The following DNAH6 variants were observed in gnomAD, a reference collection of about 807,000 sequenced individuals.
The protein encoded by DNAH6 is dynein axonemal heavy chain 6, also known as axonemal beta dynein heavy chain 6.
DNAH6 carries 340 observed loss-of-function variants against 491.4 expected under a neutral mutation model. The ratio of observed to expected loss-of-function variants is 0.69; its 90% confidence interval spans 0.63 to 0.76. The LOEUF (loss-of-function observed/expected upper bound fraction) is 0.76. Among genes scored for constraint, DNAH6 ranks in the 30% least tolerant of loss-of-function variants. The pLI, the probability that DNAH6 is intolerant of heterozygous loss-of-function variation, is 0.00. For synonymous variants in DNAH6, 1,603 were observed against 1,686.1 expected, an observed-to-expected ratio of 0.95 and a Z score of 1.21; for missense variants, 4,443 against 4,972.2, an observed-to-expected ratio of 0.89 and a Z score of 3.20.
At chr2:84,758,142 A>G (rs1674225544) in intron 63 of DNAH6, among the ~76,000 whole-genome samples, 1 of 152,230 alleles carries the variant, frequency 6.6e-6, no homozygotes. Context: ...ATCACTATGT[A>G]ATATTAATGA....
At chr2:84,760,993 A>C (rs895241876) in intron 63 of DNAH6, among the ~76,000 whole-genome samples, 6 of 152,220 alleles carry the variant, frequency 3.9e-5, no homozygotes, top group African/African-American at 1.2e-4. Flanking sequence ...AAAGGAATCA[A>C]TATATCAAAA....
In DNAH6 at chr2:84,808,430, AG is replaced by A. The variant is rs1679647713; in HGVS notation, c.11630del (p.Gly3877ValfsTer15). 7.8e-6 allele frequency: 12 copies of A among 1,536,982 alleles called. No homozygotes were observed. The highest frequency in any genetic ancestry group is 1.1e-5 in the Non-Finnish European group (12 of 1,141,978). ...QTRVPEKLEM[E>X]GASESLFVKD... ...TATGTTTCAGAAAAACTGGAAATGG[AG>A]GGTGCTTCTGAGAGCCTTTTTGTCA... On this transcript the variant is annotated frameshift_variant, in exon 72 of 77. Transcript: ENST00000389394. LOFTEE classifies it high-confidence loss of function.
chr2:84,520,857 G>C (rs1363481385), intron 2 of DNAH6, among the ~76,000 whole-genome samples: 1 of 151,950 alleles, frequency 6.6e-6, no homozygotes, highest in Non-Finnish European at 1.5e-5. Context: ...ATTGTGAATA[G>C]TGCTGCAATG....
chr2:84,730,855 G>T (rs1476274284), intron 61 of DNAH6, among the ~76,000 whole-genome samples: 1 of 152,148 alleles, frequency 6.6e-6, no homozygotes, highest in Non-Finnish European at 1.5e-5. Flanking sequence ...AAACCACTCA[G>T]AATTGTTTAT....
rs1469234474 is a variant in DNAH6 at position 84,624,559 on chromosome 2, A to G, written c.4292A>G (p.Gln1431Arg). Reference sequence around the variant, plus strand: ...TGTGTGGCTAGAATGGCGCTCTCTCAGTACACTTATGGCTATGAATATTTG... The same window carrying G: ...TGTGTGGCTAGAATGGCGCTCTCTCGGTACACTTATGGCTATGAATATTTG... ...DNCVARMALSQYTYGYEYLGA... is the reference protein window; with the variant it reads ...DNCVARMALSRYTYGYEYLGA... The change falls in exon 28 of 77, where the codon CAG becomes CGG. Residue 1431 changes from glutamine (Q) to arginine (R), a missense_variant. Around this residue, in one of 3 missense-constraint regions of DNAH6, gnomAD observed 2,977 missense variants for 3,296.6 expected, o/e 0.90. Coordinates refer to ENST00000389394, the MANE Select transcript of DNAH6 (RefSeq NM_001370.2). 1.4e-5 allele frequency: 21 copies of G among 1,551,572 alleles called. No homozygotes were observed. Among genetic ancestry groups the G allele is most frequent in the Non-Finnish European group, 1.7e-5 (20 of 1,146,962 alleles).
chr2:84,729,721 T>A (rs776011224), intron 61 of DNAH6, among the ~76,000 whole-genome samples: 2 of 152,226 alleles, frequency 1.3e-5, no homozygotes, highest in Non-Finnish European at 2.9e-5. Context: ...TTAATTAAAC[T>A]GTCTTTTCCT....
intron 63 of DNAH6, among the ~76,000 whole-genome samples, chr2:84,745,530 G>A (rs550097906): frequency 1.4e-4 from 22 of 152,300 alleles, no homozygotes; most frequent in African/African-American, 4.8e-4. Context: ...TCCGGGCATG[G>A]TGGCAGGCGC....
chr2:84,532,392 C>A (rs1677257956), intron 4 of DNAH6, among the ~76,000 whole-genome samples: 1 of 152,124 alleles, frequency 6.6e-6, no homozygotes, highest in South Asian at 2.1e-4. Flanking sequence ...CTCCAAATAT[C>A]ATAAACCTTG....
At chr2:84,527,368 G>A (rs141693751) in intron 3 of DNAH6, among the ~76,000 whole-genome samples, 103 of 152,098 alleles carry the variant, frequency 6.8e-4, no homozygotes, top group African/African-American at 2.3e-3. Context: ...GGAGGAAAAT[G>A]TGAATCACAT....
chr2:84,629,281 A>G (rs1484702619), intron 29 of DNAH6, among the ~76,000 whole-genome samples: 2 of 152,188 alleles, frequency 1.3e-5, no homozygotes, highest in Non-Finnish European at 2.9e-5. Flanking sequence ...CTTGGAATAT[A>G]GGAGTTGGTC....
At chr2:84,734,591 A>C (rs989275957) in intron 62 of DNAH6, among the ~76,000 whole-genome samples, 4 of 152,160 alleles carry the variant, frequency 2.6e-5, no homozygotes, top group African/African-American at 9.7e-5. Context: ...TATTCCATGC[A>C]TGTCATTTCT....
At chr2:84,642,893 CTG>C (rs1689561078) in intron 33 of DNAH6, among the ~76,000 whole-genome samples, 1 of 152,068 alleles carries the variant, frequency 6.6e-6, no homozygotes, top group Admixed American at 6.6e-5. Flanking sequence ...TTTGAACAAA[CTG>C]TTGTCTGTTA....
chr2:84,462,846 G>A, the DNAH6 span, among the ~76,000 whole-genome samples: 1 of 152,188 alleles, frequency 6.6e-6, no homozygotes, highest in Non-Finnish European at 1.5e-5. Flanking sequence ...TCATCAGCAG[G>A]CAGGGCAATA....
chr2:84,688,669 TAA>T, intron 45 of DNAH6, 76 bp downstream of exon 45: 1 of 1,242,710 alleles, frequency 8.0e-7, no homozygotes, highest in Non-Finnish European at 1.1e-6. Flanking sequence ...ATAAGTTGTA[TAA>T]ACTCTTCAAA....
the DNAH6 span, among the ~76,000 whole-genome samples, chr2:84,479,063 A>G: frequency 6.6e-6 from 1 of 152,020 alleles, no homozygotes; most frequent in African/African-American, 2.4e-5. Flanking sequence ...CTCCTCTCTG[A>G]TGCTACGCCA....
intron 61 of DNAH6, among the ~76,000 whole-genome samples, chr2:84,730,420 C>A (rs1699028173): frequency 6.6e-6 from 1 of 152,180 alleles, no homozygotes; most frequent in African/African-American, 2.4e-5. Flanking sequence ...TCAGTCCATA[C>A]AACTAATGTT....
intron 57 of DNAH6, among the ~76,000 whole-genome samples, chr2:84,713,702 T>TG (rs928174173): frequency 7.9e-5 from 12 of 152,290 alleles, no homozygotes; most frequent in African/African-American, 2.6e-4. Context: ...GGGCTGGGGT[T>TG]GGGGGGAGGA....
intron 70 of DNAH6, among the ~76,000 whole-genome samples, chr2:84,802,380 A>C (rs1297849013): frequency 6.6e-6 from 1 of 152,226 alleles, no homozygotes; most frequent in Non-Finnish European, 1.5e-5. Context: ...TCATGCAAAC[A>C]AAATAAAAAA....
chr2:84,679,644 G>A (rs1693587342), intron 41 of DNAH6, among the ~76,000 whole-genome samples: 1 of 152,230 alleles, frequency 6.6e-6, no homozygotes, highest in African/African-American at 2.4e-5. Flanking sequence ...AACAGATCAT[G>A]TAAGCCAGAT....
Sources: allele counts gnomAD v4.1 joint callset (sites outside exome capture counted in the v4.1 genomes callset), GRCh38; gene constraint gnomAD v4.1.1; regional missense constraint gnomAD v4.1.1; transcripts MANE v1.5; gene names NCBI Gene and HGNC (gene_info 2026-07-23, HGNC 2026-07-21).